The following HECTD4 variants were observed in gnomAD, a reference collection of about 807,000 sequenced individuals.
HECTD4 encodes HECT domain E3 ubiquitin protein ligase 4, also known as probable E3 ubiquitin-protein ligase HECTD4.
HECTD4 carries 114 observed loss-of-function variants against 471.5 expected under a neutral mutation model. The observed-to-expected ratio is 0.24, with a 90% CI of 0.21 to 0.28. The LOEUF is 0.28. Among genes scored for constraint, HECTD4 ranks in the 10% least tolerant of loss-of-function variants. The pLI is 1.00. For synonymous variants in HECTD4, 2,012 were observed against 2,256.0 expected (o/e 0.89, Z 3.07); for missense variants, 3,866 against 5,651.5 (o/e 0.68, Z 10.13).
In HECTD4 at chr12:112,163,723, T is replaced by A. The variant is rs2030800014; in HGVS notation, c.12716A>T (p.Asp4239Val). 6.8e-7 allele frequency: 1 copy of A among 1,477,126 alleles called. No individual in the cohort carries two copies. Among genetic ancestry groups the A allele is most frequent in the African/African-American group, 1.4e-5 (1 of 70,706 alleles). 91.5% of individuals were successfully genotyped at this position (1,477,126 alleles called of 1,614,324 possible). A position where few individuals can be genotyped will look rare whatever the true frequency, so the allele number is the denominator to read the frequency against. Residue 4239 changes from aspartate to valine, a missense_variant, in exon 74 of 76, where the codon GAC (aspartate) becomes GTC (valine). By Grantham distance (152) the Asp-to-Val change is radical (BLOSUM62 -3). Transcript: ENST00000682272. The surrounding 1 kb of genome is among the most constrained non-coding windows in gnomAD (Gnocchi z 8.2). ...RHILVAWENK[D>V]IYAAAIRSLR... ...GCTCCGGATGGCTGCCGCGTAGATG[T>A]CCTTGTTCTCCCACCTGCCCGGGTG...
intron 8 of HECTD4, among the ~76,000 whole-genome samples, chr12:112,282,247 G>A (rs970493361): frequency 1.1e-4 from 17 of 152,224 alleles, no homozygotes; most frequent in African/African-American, 3.9e-4. Flanking sequence ...GCCAGGCGTG[G>A]TAGCGGGCGC....
Position 112,185,222 on chromosome 12 carries a change from G to T in HECTD4, c.9744C>A (p.Gly3248=). 6.4e-7 allele frequency: 1 copy of T among 1,551,076 alleles called. No individual in the cohort carries two copies. The highest frequency in any genetic ancestry group is 8.7e-7 in the Non-Finnish European group (1 of 1,146,898). ...GTGCATGAAAATACGTAGAGAACCTGCCCTGGTCACCGGCCGCCGCCCCCC... is the reference window on the plus strand; with the variant it reads ...GTGCATGAAAATACGTAGAGAACCTTCCCTGGTCACCGGCCGCCGCCCCCC... The part of the protein sequence containing the change: ...GSGGAAAGDQ[G]RFSTYFHALM... The change falls in exon 61 of 76, where the codon GGC becomes GGA. Residue 3248 remains glycine (G), a synonymous_variant. Transcript: ENST00000682272.
In HECTD4 at chr12:112,274,871, G is replaced by A. The variant is rs180878330; in HGVS notation, c.1777C>T (p.Arg593Cys). The A allele has an allele frequency of 3.2e-6, 5 of 1,548,774 alleles. No individual in the cohort carries two copies. Among genetic ancestry groups the A allele is most frequent in the East Asian group, 2.4e-5 (1 of 40,916 alleles). The change falls in exon 10 of 76, where the codon CGT becomes TGT. Residue 593 changes from arginine to cysteine, a missense_variant. Arg to Cys is a radical substitution (Grantham distance 180). This residue lies in a region of HECTD4 where 525 missense variants were observed against 672.6 expected (regional missense o/e 0.78). Transcript: ENST00000682272. ...LIDAAGSSLGRGALVPGLGAC... is the reference protein window; with the variant it reads ...LIDAAGSSLGCGALVPGLGAC... ...CCCAATCCTGGTACGAGAGCACCACGCCCCAGTGAGCTTCCAGCAGCATCT... is the reference window on the plus strand; with the variant it reads ...CCCAATCCTGGTACGAGAGCACCACACCCCAGTGAGCTTCCAGCAGCATCT...
intron 55 of HECTD4, among the ~76,000 whole-genome samples, chr12:112,198,588 A>G (rs1331669915): frequency 6.6e-6 from 1 of 152,172 alleles, no homozygotes; most frequent in Non-Finnish European, 1.5e-5. Context: ...ATATTTTGGA[A>G]CAGTCAATGG....
chr12:112,319,828 A>G lies in HECTD4; in HGVS notation c.178-86T>C. 1 of 997,636 alleles carries G rather than the reference A, an allele frequency of 1.0e-6. No individual in the cohort carries two copies. The highest frequency in any genetic ancestry group is 1.3e-6 in the Non-Finnish European group (1 of 773,268). 61.8% of individuals were successfully genotyped at this position (997,636 alleles called of 1,614,324 possible). On this transcript the variant is annotated intron_variant, in intron 1 of 75. Transcript: ENST00000682272. This position sits in a 1 kb window ranked among gnomAD's most constrained non-coding sequence, Gnocchi z 5.3. ...AGAAAATATGTTTAATGATATCCCAAAATAGTCAACGCCAAAAATTATTTT... is the reference window on the plus strand; with the variant it reads ...AGAAAATATGTTTAATGATATCCCAGAATAGTCAACGCCAAAAATTATTTT...
At chr12:112,377,036 C>A (rs975171773) in intron 1 of HECTD4, among the ~76,000 whole-genome samples, 1 of 152,152 alleles carries the variant, frequency 6.6e-6, no homozygotes, top group South Asian at 2.1e-4. Flanking sequence ...CGCCTCAACC[C>A]GGGAGGTGGA....
chr12:112,194,742 T>A lies in HECTD4; in HGVS notation c.8749+143A>T. 3 of 710,450 alleles carry A rather than the reference T, an allele frequency of 4.2e-6. No individual in the cohort carries two copies. The highest frequency in any genetic ancestry group is 6.9e-6 in the Non-Finnish European group (3 of 431,976). 44.0% of individuals were successfully genotyped at this position (710,450 alleles called of 1,614,324 possible). A position where few individuals can be genotyped will look rare whatever the true frequency, so the allele number is the denominator to read the frequency against. ...GAGTGAGAAAGCCCTGCCAGGAGAA[T>A]CCCAGTTCCTGCGTGCAATTTCTCA... On this transcript the variant is annotated intron_variant, in intron 56 of 75. Coordinates refer to ENST00000682272, the MANE Select transcript of HECTD4 (RefSeq NM_001388303.1). The surrounding 1 kb of genome is among the most constrained non-coding windows in gnomAD (Gnocchi z 4.6).
At chr12:112,342,265 G>A (rs901259100) in intron 1 of HECTD4, among the ~76,000 whole-genome samples, 12 of 152,106 alleles carry the variant, frequency 7.9e-5, no homozygotes, top group African/African-American at 1.4e-4. Context: ...AAACCAGCCC[G>A]ATCAACACAG....
chr12:112,260,094 C>T (rs1481525106), intron 18 of HECTD4, among the ~76,000 whole-genome samples: 1 of 152,152 alleles, frequency 6.6e-6, no homozygotes, highest in African/African-American at 2.4e-5. Context: ...AACCCAAACT[C>T]TATGCGCATT....
At chr12:112,234,961 GA>G (rs1262865596) in intron 37 of HECTD4, 115 bp downstream of exon 37, 2 of 833,338 alleles carry the variant, frequency 2.4e-6, no homozygotes, top group Non-Finnish European at 3.7e-6. Flanking sequence ...GTGTCTACCT[GA>G]AAGGGGTGTA....
intron 13 of HECTD4, 102 bp downstream of exon 13, chr12:112,269,602 T>C: frequency 1.6e-6 from 2 of 1,222,484 alleles, no homozygotes; most frequent in Admixed American, 2.3e-5. Flanking sequence ...AATTGTGGGA[T>C]GGGGTAAGAG....
intron 1 of HECTD4, chr12:112,322,586 T>C (rs1041874493): frequency 1.3e-5 from 2 of 152,360 alleles, no homozygotes; most frequent in East Asian, 1.9e-4. Context: ...AGAAATAAAC[T>C]GGCAGAGGTG....
chr12:112,314,410 A>T, intron 3 of HECTD4, 47 bp downstream of exon 3: 1 of 952,504 alleles, frequency 1.0e-6, no homozygotes, highest in Non-Finnish European at 1.6e-6. Context: ...TTTGGCACAA[A>T]TCTGCCTAGT....
rs528860593 is a variant in HECTD4, at chr12:112,235,846, G to A, written c.5445-62C>T. The A allele has an allele frequency of 3.1e-5, 43 of 1,372,744 alleles. No individual in the cohort carries two copies. In the Admixed American group the frequency reaches 3.7e-4, roughly 12 times the overall value. The allele number at this position is 1,372,744 out of a possible 1,614,324, so 85.0% of individuals were successfully genotyped here. On this transcript the variant is annotated intron_variant, in intron 35 of 75. Coordinates refer to ENST00000682272, the MANE Select transcript of HECTD4 (RefSeq NM_001388303.1). The surrounding 1 kb of genome is among the most constrained non-coding windows in gnomAD (Gnocchi z 5.0). ...AATGTTGATCTATAGACATTCAGAA[G>A]CAAGAGTTCTCTGAATGAAACAAAC...
intron 1 of HECTD4, among the ~76,000 whole-genome samples, chr12:112,362,706 A>ATT (rs552642665): frequency 6.9e-6 from 1 of 144,828 alleles, no homozygotes; most frequent in Non-Finnish European, 1.5e-5. Context: ...TAATTCTAAA[A>ATT]TTTTTTTTTT....
intron 9 of HECTD4, 32 bp from the exon 10 acceptor site, chr12:112,274,992 G>A: frequency 8.2e-7 from 1 of 1,222,294 alleles, no homozygotes; most frequent in South Asian, 1.4e-5. Context: ...TGTTTAATGA[G>A]CCTGAAGATT....
At chr12:112,272,874 G>A (rs777456368) in intron 11 of HECTD4, among the ~76,000 whole-genome samples, 1 of 152,164 alleles carries the variant, frequency 6.6e-6, no homozygotes, top group African/African-American at 2.4e-5. Flanking sequence ...CCCTCTGGCA[G>A]CAAAGCTGCT....
rs191600493 is a variant in HECTD4, at chr12:112,162,634, A to G, written c.13121-111T>C. Reference sequence around the variant, plus strand: ...TTGCCTCCTTGGGTAGCCCCAAGCCAATCCTGGGGCCCAGCAGGAGGGGGA... The same window carrying G: ...TTGCCTCCTTGGGTAGCCCCAAGCCGATCCTGGGGCCCAGCAGGAGGGGGA... On this transcript the variant is annotated intron_variant, in intron 75 of 75. Coordinates refer to ENST00000682272, the MANE Select transcript of HECTD4 (RefSeq NM_001388303.1). This position sits in a 1 kb window ranked among gnomAD's most constrained non-coding sequence, Gnocchi z 5.2. 26 of 1,307,216 alleles carry G rather than the reference A, an allele frequency of 2.0e-5. 1 individual carries two copies. Among genetic ancestry groups the G allele is most frequent in the Middle Eastern group, 2.5e-4 (1 of 3,980 alleles). 81.0% of individuals were successfully genotyped at this position (1,307,216 alleles called of 1,614,324 possible).
rs1387428124 is a variant in HECTD4 at position 112,256,308 on chromosome 12, G to A, written c.3327+12C>T. ...TCGAGGTGGAACCAATAGTAACCCA[G>A]TTCTTACTTACTTTGTCATAGTCAT... On this transcript the variant is annotated intron_variant, in intron 21 of 75. Coordinates refer to ENST00000682272, the MANE Select transcript of HECTD4 (RefSeq NM_001388303.1). The A allele has an allele frequency of 6.4e-7, 1 of 1,553,078 alleles. No homozygotes were observed. The highest frequency in any genetic ancestry group is 1.3e-5 in the South Asian group (1 of 79,082).
Sources: allele counts gnomAD v4.1 joint callset (sites outside exome capture counted in the v4.1 genomes callset), GRCh38; gene constraint gnomAD v4.1.1; regional missense constraint gnomAD v4.1.1; non-coding constraint Gnocchi (gnomAD v3.1); transcripts MANE v1.5; gene names NCBI Gene and HGNC (gene_info 2026-07-23, HGNC 2026-07-21).